The following OLA1 variants were observed in gnomAD, a reference collection of about 807,000 sequenced individuals.
OLA1 encodes the protein Obg like ATPase 1.
OLA1 carries 14 observed loss-of-function variants against 48.4 expected under a neutral mutation model. The ratio of observed to expected loss-of-function variants is 0.29; its 90% confidence interval spans 0.19 to 0.45. OLA1 has a LOEUF of 0.45. Ranked by LOEUF, OLA1 falls within the 20% of genes least tolerant of loss-of-function variation. The probability of loss-of-function intolerance (pLI) is 1.00; values close to 1 mark genes in which losing one functional copy is unlikely to be tolerated. For synonymous variants in OLA1, 127 were observed against 150.4 expected (o/e 0.84, Z 1.14); for missense variants, 325 against 467.1 (o/e 0.70, Z 2.80).
intron 7 of OLA1, among the ~76,000 whole-genome samples, chr2:174,105,443 T>C (rs962098414): frequency 6.6e-6 from 1 of 152,018 alleles, no homozygotes; most frequent in African/African-American, 2.4e-5. Context: ...AAAACAAATA[T>C]AGTTTTTTCT....
At chr2:174,099,639 C>T (rs1368650532) in intron 7 of OLA1, among the ~76,000 whole-genome samples, 1 of 152,114 alleles carries the variant, frequency 6.6e-6, no homozygotes, top group Non-Finnish European at 1.5e-5. Flanking sequence ...TTTCCATCAT[C>T]CAGACACATT....
chr2:174,134,114 C>T (rs1243510453), intron 5 of OLA1, among the ~76,000 whole-genome samples: 5 of 152,262 alleles, frequency 3.3e-5, no homozygotes, highest in Non-Finnish European at 7.4e-5. Context: ...TACTTCATTC[C>T]TTTTTGGCTA....
intron 4 of OLA1, among the ~76,000 whole-genome samples, chr2:174,164,009 T>C (rs1387788034): frequency 2.0e-5 from 3 of 151,540 alleles, no homozygotes; most frequent in Non-Finnish European, 4.4e-5. Flanking sequence ...AATTGAATCA[T>C]GGGAGTGGTT....
At chr2:174,114,084 T>C (rs1685719453) in intron 7 of OLA1, among the ~76,000 whole-genome samples, 2 of 150,574 alleles carry the variant, frequency 1.3e-5, no homozygotes, top group Admixed American at 1.3e-4. Flanking sequence ...ATCCCAGCAC[T>C]TTGGGAGGCT....
chr2:174,146,214 T>C (rs1686593828), intron 4 of OLA1, among the ~76,000 whole-genome samples: 1 of 151,956 alleles, frequency 6.6e-6, no homozygotes, highest in Non-Finnish European at 1.5e-5. Flanking sequence ...ACCATGAGAG[T>C]TTGGATTTAT....
At chr2:174,097,709 A>G (rs1685289500) in intron 7 of OLA1, among the ~76,000 whole-genome samples, 1 of 151,522 alleles carries the variant, frequency 6.6e-6, no homozygotes, top group Non-Finnish European at 1.5e-5. Flanking sequence ...TGGGCGACAG[A>G]GTGAGACTGT....
At chr2:174,164,657 C>G (rs1687119738) in intron 4 of OLA1, among the ~76,000 whole-genome samples, 2 of 152,192 alleles carry the variant, frequency 1.3e-5, no homozygotes, top group Admixed American at 1.3e-4. Context: ...TTTCTCCCCT[C>G]TCCAAATTCA....
chr2:174,168,399 A>C (rs1319465830), intron 4 of OLA1, among the ~76,000 whole-genome samples: 1 of 151,824 alleles, frequency 6.6e-6, no homozygotes, highest in Non-Finnish European at 1.5e-5. Flanking sequence ...AAAAAAAAAC[A>C]AAACAAACCC....
chr2:174,175,916 CT>C (rs746970787), intron 4 of OLA1, among the ~76,000 whole-genome samples: 3 of 151,742 alleles, frequency 2.0e-5, no homozygotes, highest in Non-Finnish European at 2.9e-5. Context: ...TATGCTAGAT[CT>C]AAAAAAAGTC....
At chr2:174,165,787 G>A (rs920304920) in intron 4 of OLA1, among the ~76,000 whole-genome samples, 5 of 148,782 alleles carry the variant, frequency 3.4e-5, no homozygotes, top group Non-Finnish European at 6.0e-5. Flanking sequence ...TGAGAATGCC[G>A]TTCCTCTATT....
At chr2:174,117,917 C>T (rs568815699) in intron 7 of OLA1, among the ~76,000 whole-genome samples, 61 of 152,274 alleles carry the variant, frequency 4.0e-4, no homozygotes, top group Non-Finnish European at 7.6e-4. Context: ...AGTCCATTCT[C>T]ACATTGCTAT....
At chr2:174,110,221 C>T (rs1309648728) in intron 7 of OLA1, among the ~76,000 whole-genome samples, 1 of 151,382 alleles carries the variant, frequency 6.6e-6, no homozygotes, top group Non-Finnish European at 1.5e-5. Flanking sequence ...ACTGCAACCT[C>T]CACCTCCCGA....
intron 10 of OLA1, among the ~76,000 whole-genome samples, chr2:174,076,505 GAT>G (rs1212307276): frequency 2.0e-5 from 3 of 152,072 alleles, no homozygotes; most frequent in African/African-American, 7.2e-5. Flanking sequence ...TCTCTTTGAA[GAT>G]ATTGATAAGA....
intron 4 of OLA1, among the ~76,000 whole-genome samples, chr2:174,168,527 GTGAGATTGAATT>G (rs1687221112): frequency 6.6e-6 from 1 of 152,084 alleles, no homozygotes; most frequent in Non-Finnish European, 1.5e-5. Context: ...CAGAAAACAA[GTGAGATTGAATT>G]TGAGATTATC....
intron 4 of OLA1, among the ~76,000 whole-genome samples, chr2:174,209,949 T>A (rs977201859): frequency 1.3e-5 from 2 of 152,160 alleles, no homozygotes; most frequent in Admixed American, 6.5e-5. Context: ...CAATGATATA[T>A]CCATATAATG....
chr2:174,186,154 T>C (rs551393362), intron 4 of OLA1, among the ~76,000 whole-genome samples: 27 of 152,280 alleles, frequency 1.8e-4, no homozygotes, highest in African/African-American at 6.3e-4. Flanking sequence ...AATGGGAAGA[T>C]TCAAAACATG....
chr2:174,225,503 C>T (rs572535839), intron 3 of OLA1, among the ~76,000 whole-genome samples: 4 of 152,034 alleles, frequency 2.6e-5, no homozygotes, highest in Non-Finnish European at 5.9e-5. Flanking sequence ...GAGCTGAGAT[C>T]GCGCCATTGC....
intron 4 of OLA1, among the ~76,000 whole-genome samples, chr2:174,205,147 T>TG (rs1197439238): frequency 6.6e-5 from 10 of 152,212 alleles, no homozygotes; most frequent in Non-Finnish European, 1.5e-4. Flanking sequence ...CATCAACCCC[T>TG]GGTATAGCTG....
rs1281218925 is a variant in OLA1 at position 174,123,294 on chromosome 2, A to T, written c.631-17T>A. 8.3e-7 allele frequency: 1 copy of T among 1,203,028 alleles called. No homozygotes were observed. 74.5% of individuals were successfully genotyped at this position (1,203,028 alleles called of 1,614,324 possible). On this transcript the variant is annotated splice_polypyrimidine_tract_variant and intron_variant, in intron 6 of 10. Coordinates refer to ENST00000284719, the MANE Select transcript of OLA1 (RefSeq NM_013341.5). ...CACTTCAATCTAAAGTGGGAGATGGAGAAAGAATCCCTTTTAAAAGTTTAG... is the reference window on the plus strand; with the variant it reads ...CACTTCAATCTAAAGTGGGAGATGGTGAAAGAATCCCTTTTAAAAGTTTAG...
Sources: gnomAD v4.1 joint callset for allele counts (sites outside exome capture counted in the v4.1 genomes callset) on GRCh38, gnomAD v4.1.1 for gene constraint, MANE v1.5 for transcripts, NCBI Gene and HGNC (gene_info 2026-07-23, HGNC 2026-07-21) for gene names.